The following CCDC6 variants were observed in gnomAD, a reference collection of about 807,000 sequenced individuals.
CCDC6 encodes coiled-coil domain containing 6, also known as coiled-coil domain-containing protein 6.
Under a neutral mutation model 56.6 loss-of-function variants are expected in CCDC6, and 20 were observed. The observed-to-expected ratio is 0.35, with a 90% confidence interval of 0.25 to 0.51. The LOEUF is 0.51. Ranked by LOEUF, CCDC6 falls within the 20% of genes least tolerant of loss-of-function variation. CCDC6 has a pLI of 0.95. For missense variants in CCDC6, 367 were observed against 601.1 expected, an observed-to-expected ratio of 0.61 and a Z score of 4.07; for synonymous variants, 241 against 234.4, an observed-to-expected ratio of 1.03 and a Z score of -0.26.
chr10:59,892,236 A>G (rs2071427333), intron 1 of CCDC6, among the ~76,000 whole-genome samples: 1 of 152,236 alleles, frequency 6.6e-6, no homozygotes, highest in East Asian at 1.9e-4. Context: ...TGCCGATAGT[A>G]CTAAAGTCAG....
rs2132616879 is a variant in CCDC6 at position 59,790,278 on chromosome 10, T to A, written c.*2639A>T. 1 of 219,598 alleles carries A rather than the reference T, an allele frequency of 4.6e-6. No individual in the cohort carries two copies. The highest frequency in any genetic ancestry group is 2.2e-5 in the African/African-American group (1 of 44,670). The allele number at this position is 219,598 out of a possible 1,614,324, so 13.6% of individuals were successfully genotyped here. On this transcript the variant is annotated 3_prime_UTR_variant, in exon 9 of 9. Transcript: ENST00000263102. The stretch of plus-strand genomic sequence containing the variant: ...AAAATGAAGCTACTGAAGCCCCTGT[T>A]GCTCCCACCTGCCTGCAGGACGGCT...
chr10:59,815,591 G>A (rs2070704682), intron 3 of CCDC6, among the ~76,000 whole-genome samples: 1 of 152,060 alleles, frequency 6.6e-6, no homozygotes, highest in Non-Finnish European at 1.5e-5. Flanking sequence ...AGAAAAAGAG[G>A]GCTGGTAAGA....
intron 6 of CCDC6, chr10:59,806,625 A>T (rs2070625974): frequency 3.2e-6 from 1 of 312,748 alleles, no homozygotes; most frequent in South Asian, 5.1e-5. Context: ...ACACTGGATT[A>T]AACTAATTCA....
rs1032660710 is a variant in CCDC6 at position 59,788,938 on chromosome 10, C to T, written c.*3979G>A. The stretch of plus-strand genomic sequence containing the variant: ...AACTCCAACCTAGTCAAGTTGTAGA[C>T]AAGCTATCATGAACAACATACAGTG... On this transcript the variant is annotated 3_prime_UTR_variant, in exon 9 of 9. Transcript: ENST00000263102. 4.7e-6 allele frequency: 1 copy of T among 213,500 alleles called. No individual in the cohort carries two copies. Among genetic ancestry groups the T allele is most frequent in the Non-Finnish European group, 9.5e-6 (1 of 105,656 alleles). The allele number at this position is 213,500 out of a possible 1,614,324, so 13.2% of individuals were successfully genotyped here. A position where few individuals can be genotyped will look rare whatever the true frequency, so the allele number is the denominator to read the frequency against.
rs145324331 is a variant in CCDC6 at position 59,824,951 on chromosome 10, C to T, written c.582+7574G>A. 1.7e-3 allele frequency among the ~76,000 whole-genome samples: 258 copies of T among 152,298 alleles called. 1 individual carries two copies. Among genetic ancestry groups the T allele is most frequent in the African/African-American group, 5.9e-3 (245 of 41,554 alleles). On this transcript the variant is annotated intron_variant, in intron 3 of 8. Transcript: ENST00000263102. ...CATTTCCTTAATGCAAGTGACTCCT[C>T]AAGGAACATGGTTGTTCTTTGTGTT...
intron 2 of CCDC6, among the ~76,000 whole-genome samples, chr10:59,840,691 C>T (rs2132649020): frequency 6.6e-6 from 1 of 152,328 alleles, no homozygotes; most frequent in South Asian, 2.1e-4. Flanking sequence ...ACTCCACTTG[C>T]TGTCTTTTCC....
rs181537811 is a variant in CCDC6 at position 59,820,318 on chromosome 10, G to A, written c.583-5563C>T. 3.1e-3 allele frequency among the ~76,000 whole-genome samples: 468 copies of A among 152,252 alleles called. 2 individuals carry two copies. Among genetic ancestry groups the A allele is most frequent in the Non-Finnish European group, 3.6e-3 (242 of 68,014 alleles). On this transcript the variant is annotated intron_variant, in intron 3 of 8. Coordinates refer to ENST00000263102, the MANE Select transcript of CCDC6 (RefSeq NM_005436.5). ...CTAGCTCAGTTATAGGATTTTGAAA[G>A]GTTTTAGTGAACCTTTTCAATCTGC...
chr10:59,896,383 C>T (rs2071463962), intron 1 of CCDC6, among the ~76,000 whole-genome samples: 3 of 152,208 alleles, frequency 2.0e-5, no homozygotes, highest in African/African-American at 4.8e-5. Context: ...TGGGTGCTTA[C>T]TGGCACCAAG....
At chr10:59,845,037 A>C (rs2070979405) in intron 2 of CCDC6, among the ~76,000 whole-genome samples, 1 of 152,200 alleles carries the variant, frequency 6.6e-6, no homozygotes, top group Admixed American at 6.5e-5. Flanking sequence ...AATGAAATGC[A>C]AAACATTGTA....
Position 59,869,100 on chromosome 10 carries a change from C to T in CCDC6, c.304-16398G>A, listed in dbSNP as rs575225842. On this transcript the variant is annotated intron_variant, in intron 1 of 8. Transcript: ENST00000263102. Reference sequence around the variant, plus strand: ...ATGCCTTTAACCTGTCTTTCAAAAGCCAATGGGAGCCATAGGAAAGAGCAC... The same window carrying T: ...ATGCCTTTAACCTGTCTTTCAAAAGTCAATGGGAGCCATAGGAAAGAGCAC... Among the ~76,000 whole-genome samples, 5 of 152,030 alleles carry T rather than the reference C, an allele frequency of 3.3e-5. No homozygotes were observed. In the South Asian group the frequency reaches 6.2e-4, roughly 19 times the overall value.
At chr10:59,797,671 AGAGT>A (rs1337473252) in intron 7 of CCDC6, among the ~76,000 whole-genome samples, 3 of 121,324 alleles carry the variant, frequency 2.5e-5, no homozygotes, top group African/African-American at 4.1e-5. Flanking sequence ...AGAGAGAGAG[AGAGT>A]GAGAGTGTTG....
At chr10:59,849,552 C>T (rs1378472480) in intron 2 of CCDC6, among the ~76,000 whole-genome samples, 1 of 152,200 alleles carries the variant, frequency 6.6e-6, no homozygotes, top group Non-Finnish European at 1.5e-5. Flanking sequence ...CAAAAAATCC[C>T]TTTGAAATGC....
chr10:59,854,623 T>G (rs2071065931), intron 1 of CCDC6, among the ~76,000 whole-genome samples: 1 of 152,200 alleles, frequency 6.6e-6, no homozygotes, highest in Non-Finnish European at 1.5e-5. Context: ...AATGTCTTAC[T>G]CTTTCCACTA....
rs1589030282 is a variant in CCDC6, at chr10:59,791,027, C to G, written c.*1890G>C. 4.8e-6 allele frequency: 1 copy of G among 207,540 alleles called. No homozygotes were observed. Among genetic ancestry groups the G allele is most frequent in the East Asian group, 7.3e-5 (1 of 13,684 alleles). 12.9% of individuals were successfully genotyped at this position (207,540 alleles called of 1,614,324 possible). On this transcript the variant is annotated 3_prime_UTR_variant, in exon 9 of 9. Transcript: ENST00000263102. ...CATGAAGGCAAAATTTGTTTGCCTA[C>G]TCTCAGAATTCCTTGGAATGGCAAT...
At chr10:59,805,822 ATAATCT>A (rs2070617253) in intron 6 of CCDC6, among the ~76,000 whole-genome samples, 1 of 152,096 alleles carries the variant, frequency 6.6e-6, no homozygotes, top group Non-Finnish European at 1.5e-5. Flanking sequence ...TTCATTATAG[ATAATCT>A]TAAATTTTTA....
chr10:59,790,643 A>G lies in CCDC6; in HGVS notation c.*2274T>C, dbSNP rs1186559660. 9.0e-6 allele frequency: 2 copies of G among 221,094 alleles called. No homozygotes were observed. Among genetic ancestry groups the G allele is most frequent in the African/African-American group, 4.5e-5 (2 of 44,530 alleles). The allele number at this position is 221,094 out of a possible 1,614,324, so 13.7% of individuals were successfully genotyped here. ...AATGTCCACAGGGAGAGGCAACTAG[A>G]TTTATGTGGAAAAAGTGCTGTTTGA... On this transcript the variant is annotated 3_prime_UTR_variant, in exon 9 of 9. Coordinates refer to ENST00000263102, the MANE Select transcript of CCDC6 (RefSeq NM_005436.5).
intron 1 of CCDC6, among the ~76,000 whole-genome samples, chr10:59,890,601 A>G (rs1446934745): frequency 6.6e-6 from 1 of 152,218 alleles, no homozygotes; most frequent in African/African-American, 2.4e-5. Context: ...CTGGAGAGCT[A>G]AGATACTATG....
At chr10:59,830,375 A>T (rs2070825368) in intron 3 of CCDC6, among the ~76,000 whole-genome samples, 1 of 152,160 alleles carries the variant, frequency 6.6e-6, no homozygotes, top group South Asian at 2.1e-4. Context: ...AAACTAAGGG[A>T]TTTATTTCTA....
intron 7 of CCDC6, among the ~76,000 whole-genome samples, chr10:59,795,745 C>G (rs10994013): frequency 6.6e-6 from 1 of 151,014 alleles, no homozygotes; most frequent in Admixed American, 6.6e-5. Flanking sequence ...TTTGTCCTTG[C>G]GATAGTTTAC....
Sources: gnomAD v4.1 joint callset for allele counts (sites outside exome capture counted in the v4.1 genomes callset) on GRCh38, gnomAD v4.1.1 for gene constraint, MANE v1.5 for transcripts, NCBI Gene and HGNC (gene_info 2026-07-23, HGNC 2026-07-21) for gene names.